Variants in LIN7A observed in about 807,000 individuals in gnomAD.
LIN7A encodes the protein protein lin-7 homolog A.
In LIN7A, 25 loss-of-function variants were observed where a neutral mutation model predicts 29.8. That is an observed-to-expected ratio of 0.84 (90% CI 0.61 to 1.17). The LOEUF is 1.17. Ranked by LOEUF, LIN7A falls within the 50% of genes most tolerant of loss-of-function variation. The pLI is 0.00. For synonymous variants in LIN7A, 118 were observed against 107.5 expected (o/e 1.10, Z -0.60); for missense variants, 239 against 287.0 (o/e 0.83, Z 1.21).
chr12:80,897,802 CA>C (rs1191457139), intron 1 of LIN7A, among the ~76,000 whole-genome samples: 2 of 150,192 alleles, frequency 1.3e-5, no homozygotes, highest in Admixed American at 6.6e-5. Context: ...AAGACTGTCT[CA>C]AAAAAAATAA....
chr12:80,897,494 T>G (rs1335182048), intron 1 of LIN7A, among the ~76,000 whole-genome samples: 1 of 152,162 alleles, frequency 6.6e-6, no homozygotes, highest in African/African-American at 2.4e-5. Context: ...CAGCATAGAA[T>G]CGTGACAATT....
rs1046099087 is a variant in LIN7A at position 80,822,894 on chromosome 12, G to A, written c.484-11211C>T. On this transcript the variant is annotated intron_variant, in intron 4 of 5. Transcript: ENST00000552864. ...ACCTTCAAGCCAGGGACAGCCTGAAGCCCAGGGGCTGGGCTGCCTGTTCAA... is the reference window on the plus strand; with the variant it reads ...ACCTTCAAGCCAGGGACAGCCTGAAACCCAGGGGCTGGGCTGCCTGTTCAA... Among the ~76,000 whole-genome samples the A allele has an allele frequency of 2.0e-5, 3 of 152,136 alleles. No homozygotes were observed. In the East Asian group the frequency reaches 5.8e-4, roughly 29 times the overall value.
intron 5 of LIN7A, among the ~76,000 whole-genome samples, chr12:80,808,471 A>G (rs1038780822): frequency 1.3e-5 from 2 of 152,138 alleles, no homozygotes; most frequent in African/African-American, 4.8e-5. Context: ...TGTCAAATAA[A>G]TAATGTGCAA....
At chr12:80,867,149 G>T (rs1185329588) in intron 2 of LIN7A, among the ~76,000 whole-genome samples, 3 of 152,070 alleles carry the variant, frequency 2.0e-5, no homozygotes. Context: ...ACAGGGTCTT[G>T]CCATGTTGAC....
chr12:80,878,610 C>T (rs964139441), intron 2 of LIN7A, among the ~76,000 whole-genome samples: 1 of 152,176 alleles, frequency 6.6e-6, no homozygotes, highest in African/African-American at 2.4e-5. Flanking sequence ...GGAAAGAGAT[C>T]TGAGCGGGTT....
chr12:80,844,085 A>G (rs1441758519), intron 4 of LIN7A, among the ~76,000 whole-genome samples: 2 of 152,040 alleles, frequency 1.3e-5, no homozygotes, highest in African/African-American at 2.4e-5. Flanking sequence ...TTTGATTTAT[A>G]TAATATATTC....
At chr12:80,847,739 T>G (rs1565900268) in intron 3 of LIN7A, among the ~76,000 whole-genome samples, 1 of 152,298 alleles carries the variant, frequency 6.6e-6, no homozygotes, top group Non-Finnish European at 1.5e-5. Flanking sequence ...GCAGATGTGG[T>G]CACTACCACA....
chr12:80,901,367 A>G (rs866260932), intron 1 of LIN7A, among the ~76,000 whole-genome samples: 12 of 152,130 alleles, frequency 7.9e-5, no homozygotes, highest in Admixed American at 2.0e-4. Context: ...TTTCTTCCCT[A>G]ATTTCTTATC....
intron 1 of LIN7A, among the ~76,000 whole-genome samples, chr12:80,918,445 C>T (rs1877131385): frequency 1.3e-5 from 2 of 151,966 alleles, no homozygotes; most frequent in South Asian, 4.1e-4. Flanking sequence ...GGGCATAATG[C>T]AACTCTAATG....
At chr12:80,885,848 A>T (rs1875296874) in intron 2 of LIN7A, among the ~76,000 whole-genome samples, 2 of 151,994 alleles carry the variant, frequency 1.3e-5, no homozygotes, top group Non-Finnish European at 2.9e-5. Context: ...GAGCTGATTC[A>T]GTGGTTTCAT....
intron 2 of LIN7A, among the ~76,000 whole-genome samples, chr12:80,880,660 AACTCCATATGT>A (rs1039851040): frequency 6.6e-6 from 1 of 151,980 alleles, no homozygotes; most frequent in Admixed American, 6.6e-5. Flanking sequence ...TGCATAAAGA[AACTCCATATGT>A]ACTCCATATG....
chr12:80,875,965 AGAATTG>A (rs1416211097), intron 2 of LIN7A, among the ~76,000 whole-genome samples: 2 of 152,162 alleles, frequency 1.3e-5, no homozygotes, highest in Admixed American at 1.3e-4. Context: ...TGCAAAGAAC[AGAATTG>A]GAATCAACAT....
intron 1 of LIN7A, among the ~76,000 whole-genome samples, chr12:80,926,146 T>A (rs1044605806): frequency 6.6e-6 from 1 of 152,232 alleles, no homozygotes; most frequent in African/African-American, 2.4e-5. Flanking sequence ...CTCTGCACTT[T>A]GCTCTCTGGA....
chr12:80,802,691 G>A (rs1210670793), intron 5 of LIN7A, among the ~76,000 whole-genome samples: 1 of 149,832 alleles, frequency 6.7e-6, no homozygotes, highest in Admixed American at 6.6e-5. Context: ...TAGAGATGGG[G>A]GTCTCACTAT....
chr12:80,913,526 A>G (rs985900866), intron 1 of LIN7A, among the ~76,000 whole-genome samples: 2 of 152,208 alleles, frequency 1.3e-5, no homozygotes, highest in African/African-American at 4.8e-5. Context: ...TTCGCAATGA[A>G]TTATGAGGCA....
chr12:80,824,852 A>T lies in LIN7A; in HGVS notation c.484-13169T>A, dbSNP rs144991780. The stretch of plus-strand genomic sequence containing the variant: ...AAACCCTCAGCAAAATCGGCATAGA[A>T]GGGACATACCTTAAGGTAATAAAAA... On this transcript the variant is annotated intron_variant, in intron 4 of 5. Coordinates refer to ENST00000552864, the MANE Select transcript of LIN7A (RefSeq NM_004664.4). Among the ~76,000 whole-genome samples, 1,427 of 152,346 alleles carry T rather than the reference A, an allele frequency of 9.4e-3. 15 individuals carry two copies. The highest frequency in any genetic ancestry group is 0.031 in the African/African-American group (1,308 of 41,580).
At chr12:80,893,053 T>C (rs939830876) in intron 1 of LIN7A, among the ~76,000 whole-genome samples, 2 of 152,198 alleles carry the variant, frequency 1.3e-5, no homozygotes, top group Non-Finnish European at 2.9e-5. Flanking sequence ...TAAGCACAAG[T>C]TCAAAGTGAT....
intron 2 of LIN7A, among the ~76,000 whole-genome samples, chr12:80,875,254 C>T (rs1252729512): frequency 6.6e-6 from 1 of 152,058 alleles, no homozygotes; most frequent in Non-Finnish European, 1.5e-5. Context: ...GATTTACCAA[C>T]CCCCTGAATT....
rs1335955146 is a variant in LIN7A, at chr12:80,797,392, T to A, written c.*335A>T. On this transcript the variant is annotated 3_prime_UTR_variant, in exon 6 of 6. Coordinates refer to ENST00000552864, the MANE Select transcript of LIN7A (RefSeq NM_004664.4). ...AGCTATGGACCCAAGATTCACTCAA[T>A]CTTGGCCCTGGTGATTTATTTAAAA... is the stretch of plus-strand genomic sequence containing the variant. 1 of 152,640 alleles carries A rather than the reference T, an allele frequency of 6.6e-6. No homozygotes were observed. Among genetic ancestry groups the A allele is most frequent in the Non-Finnish European group, 1.5e-5 (1 of 68,050 alleles). The allele number at this position is 152,640 out of a possible 1,614,324, so 9.5% of individuals were successfully genotyped here.
Sources: allele counts gnomAD v4.1 joint callset (sites outside exome capture counted in the v4.1 genomes callset), GRCh38; gene constraint gnomAD v4.1.1; transcripts MANE v1.5; gene names NCBI Gene and HGNC (gene_info 2026-07-23, HGNC 2026-07-21).